Variants in SP110 observed in about 807,000 individuals in gnomAD.
SP110 encodes the protein interferon-induced protein 41, 30kD.
SP110 carries 62 observed loss-of-function variants against 92.7 expected under a neutral mutation model. That is an observed-to-expected ratio of 0.67 (90% CI 0.55 to 0.83). The LOEUF (loss-of-function observed/expected upper bound fraction) is 0.83. Ranked by LOEUF, SP110 falls within the 40% of genes least tolerant of loss-of-function variation. The pLI is 0.00. For missense variants in SP110, 793 were observed against 863.9 expected (o/e 0.92, Z 1.03); for synonymous variants, 273 against 305.3 (o/e 0.89, Z 1.10).
At chr2:230,198,848 T>G (rs903962881) in intron 10 of SP110, among the ~76,000 whole-genome samples, 2 of 152,180 alleles carry the variant, frequency 1.3e-5, no homozygotes, top group African/African-American at 4.8e-5. Context: ...TCCACCCACC[T>G]CGGCCTCCCA....
upstream of SP110, among the ~76,000 whole-genome samples, chr2:230,222,672 A>T (rs1201639303): frequency 6.6e-6 from 1 of 151,616 alleles, no homozygotes; most frequent in African/African-American, 2.4e-5. Flanking sequence ...TCTGGTGAGC[A>T]GTGACAGAGT....
At position 230,214,975 on chromosome 2, in the gene SP110, C is replaced by T; in HGVS notation, c.291G>A (p.Val97=). ...CACGTTTGAAGCTTCTGTAAATCGT[C>T]ACCAGATTGGGATATTCACGCAGGT... ...QINLREYPNL[V]TIYRSFKRVG... The change falls in exon 3 of 19, where the codon GTG becomes GTA. Residue 97 remains valine, a synonymous_variant. Coordinates refer to ENST00000258381, the MANE Select transcript of SP110 (RefSeq NM_080424.4). 6.2e-7 allele frequency: 1 copy of T among 1,614,076 alleles called. No individual in the cohort carries two copies. Among genetic ancestry groups the T allele is most frequent in the Non-Finnish European group, 8.5e-7 (1 of 1,179,930 alleles).
At chr2:230,218,411 G>T (rs1376248221) in intron 1 of SP110, among the ~76,000 whole-genome samples, 1 of 152,132 alleles carries the variant, frequency 6.6e-6, no homozygotes, top group Non-Finnish European at 1.5e-5. Flanking sequence ...GAGAGTCTGT[G>T]GTGGTAAAGA....
At chr2:230,203,694 GTATGTA>G (rs2043435763) in intron 8 of SP110, 1 of 152,062 alleles carries the variant, frequency 6.6e-6, no homozygotes, top group African/African-American at 2.4e-5. Flanking sequence ...TGAGAGTGTG[GTATGTA>G]TATTTTCAGC....
Position 230,212,943 on chromosome 2 carries a change from T to C in SP110, c.401A>G (p.His134Arg), listed in dbSNP as rs2044658221. ...TGGTGGGGGCAGCGCCAGTGGGGTATGGAGGGAGCTTCCTTCTGCTAGGCC... is the reference window on the plus strand; with the variant it reads ...TGGTGGGGGCAGCGCCAGTGGGGTACGGAGGGAGCTTCCTTCTGCTAGGCC... ...PTGLAEGSSL[H>R]TPLALPPPQP... The change falls in exon 4 of 19, where the codon CAT becomes CGT. Residue 134 changes from histidine to arginine, a missense_variant. His to Arg is a conservative substitution (Grantham distance 29). Coordinates refer to ENST00000258381, the MANE Select transcript of SP110 (RefSeq NM_080424.4). 4 of 1,613,962 alleles carry C rather than the reference T, an allele frequency of 2.5e-6. No individual in the cohort carries two copies. Among genetic ancestry groups the C allele is most frequent in the Non-Finnish European group, 1.7e-6 (2 of 1,179,952 alleles).
intron 12 of SP110, among the ~76,000 whole-genome samples, chr2:230,181,810 T>G: frequency 6.6e-6 from 1 of 152,202 alleles, no homozygotes; most frequent in East Asian, 1.9e-4. Flanking sequence ...CAACAGATGC[T>G]GGCAAGGCTG....
chr2:230,223,347 C>T (rs2045979136), upstream of SP110, among the ~76,000 whole-genome samples: 1 of 152,160 alleles, frequency 6.6e-6, no homozygotes, highest in African/African-American at 2.4e-5. Context: ...GTCTGACATT[C>T]TATGGGATGT....
upstream of SP110, among the ~76,000 whole-genome samples, chr2:230,220,854 AT>A (rs1405835218): frequency 6.6e-6 from 1 of 152,158 alleles, no homozygotes; most frequent in Non-Finnish European, 1.5e-5. Context: ...AAATAAAAAA[AT>A]AAAAAATTAA....
At chr2:230,202,487 G>C (rs948694171) in intron 9 of SP110, 92 bp downstream of exon 9, 14 of 1,218,474 alleles carry the variant, frequency 1.1e-5, no homozygotes, top group Non-Finnish European at 1.7e-5. Flanking sequence ...TTTTACTATT[G>C]ACTTTACATA....
rs994546266 is a variant in SP110, at chr2:230,168,995, T to C, written c.*129A>G. Reference sequence around the variant, plus strand: ...AAAGATGGAGGGTGTGATAATCCTATGAAGTGTCTGGGTTTGGGTCCTGAG... The same window carrying C: ...AAAGATGGAGGGTGTGATAATCCTACGAAGTGTCTGGGTTTGGGTCCTGAG... On this transcript the variant is annotated 3_prime_UTR_variant, in exon 19 of 19. Coordinates refer to ENST00000258381, the MANE Select transcript of SP110 (RefSeq NM_080424.4). The C allele has an allele frequency of 4.0e-6, 3 of 754,244 alleles. No individual in the cohort carries two copies. The highest frequency in any genetic ancestry group is 3.4e-5 in the Admixed American group (2 of 58,018). 46.7% of individuals were successfully genotyped at this position (754,244 alleles called of 1,614,324 possible). A position where few individuals can be genotyped will look rare whatever the true frequency, so the allele number is the denominator to read the frequency against.
At chr2:230,215,266 G>T in intron 2 of SP110, 148 bp from the exon 3 acceptor site, 1 of 674,682 alleles carries the variant, frequency 1.5e-6, no homozygotes, top group East Asian at 2.7e-5. Flanking sequence ...CTCTAAGGTA[G>T]AGCGGTCACA....
intron 10 of SP110, among the ~76,000 whole-genome samples, chr2:230,199,758 T>A (rs1457455490): frequency 6.6e-6 from 1 of 152,164 alleles, no homozygotes; most frequent in Non-Finnish European, 1.5e-5. Flanking sequence ...ATTTCCATTA[T>A]CCATAGGATC....
At chr2:230,190,432 G>A (rs969653213) in intron 10 of SP110, among the ~76,000 whole-genome samples, 1 of 149,848 alleles carries the variant, frequency 6.7e-6, no homozygotes, top group Non-Finnish European at 1.5e-5. Context: ...ATATGTTTAA[G>A]TTCCTTGTAA....
At chr2:230,173,024 G>T in intron 14 of SP110, 65 bp from the exon 15 acceptor site, 1 of 1,096,504 alleles carries the variant, frequency 9.1e-7, no homozygotes, top group Non-Finnish European at 1.4e-6. Flanking sequence ...GACCCTGTGG[G>T]GTTCTAGAAC....
chr2:230,209,951 C>T lies in SP110; in HGVS notation c.809G>A (p.Ser270Asn). ...NDPEEPQEVS[S>N]TPSDKKGKKR... ...CTTACCTTTCTTGTCTGAAGGTGTG[C>T]TGGACACCTCCTGGGGCTCTTCTGG... The change falls in exon 7 of 19, where the codon AGC becomes AAC. Residue 270 changes from serine to asparagine, a missense_variant. Physicochemically the swap from Ser to Asn is conservative, Grantham distance 46. Transcript: ENST00000258381. 6.2e-7 allele frequency: 1 copy of T among 1,607,142 alleles called. No individual in the cohort carries two copies. Among genetic ancestry groups the T allele is most frequent in the Non-Finnish European group, 8.5e-7 (1 of 1,173,654 alleles).
rs199802117 is a variant in SP110 at position 230,183,609 on chromosome 2, G to T, written c.1311C>A (p.Ser437Arg). 3 of 1,604,444 alleles carry T rather than the reference G, an allele frequency of 1.9e-6. No individual in the cohort carries two copies. Among genetic ancestry groups the T allele is most frequent in the Non-Finnish European group, 8.5e-7 (1 of 1,171,096 alleles). ...TATTTTTCTGAAATCTCCTTTTTGA[G>T]CTTGAACAGATATCTTTCTCCTTTT... Reference protein sequence around the residue: ...EKKKEKDICSSSKRRFQKNIH... With the variant: ...EKKKEKDICSRSKRRFQKNIH... The change falls in exon 12 of 19, where the codon AGC (serine) becomes AGA (arginine). Residue 437 changes from serine to arginine, a missense_variant. Coordinates refer to ENST00000258381, the MANE Select transcript of SP110 (RefSeq NM_080424.4).
At chr2:230,199,148 A>ATTT (rs113583785) in intron 10 of SP110, among the ~76,000 whole-genome samples, 2,336 of 138,954 alleles carry the variant, frequency 0.017, 93 homozygotes, top group African/African-American at 0.062. Flanking sequence ...TATTATTATT[A>ATTT]TTTTTTTTTT....
upstream of SP110, among the ~76,000 whole-genome samples, chr2:230,224,417 T>G (rs575038421): frequency 7.2e-6 from 1 of 138,572 alleles, no homozygotes; most frequent in South Asian, 2.2e-4. Flanking sequence ...CTTTTCCTTC[T>G]TGTTTTAAAG....
upstream of SP110, among the ~76,000 whole-genome samples, chr2:230,223,396 A>T (rs981206089): frequency 3.3e-5 from 5 of 152,128 alleles, no homozygotes; most frequent in Admixed American, 6.5e-5. Context: ...ATTATGACAA[A>T]GGGCAAGTGA....
Sources: gnomAD v4.1 joint callset for allele counts (sites outside exome capture counted in the v4.1 genomes callset) on GRCh38, gnomAD v4.1.1 for gene constraint, MANE v1.5 for transcripts, NCBI Gene and HGNC (gene_info 2026-07-23, HGNC 2026-07-21) for gene names.